Variants in SLC37A3 observed in about 807,000 individuals in gnomAD.
The protein encoded by SLC37A3 is solute carrier family 37 member 3.
A neutral mutation model predicts 67.1 loss-of-function variants in SLC37A3; 51 were observed. The observed-to-expected ratio is 0.76, with a 90% CI of 0.61 to 0.96. The LOEUF (loss-of-function observed/expected upper bound fraction) is 0.96. SLC37A3 is among the 40% of genes least tolerant of loss of function. The pLI is 0.00. For missense variants in SLC37A3, 508 were observed against 603.0 expected (o/e 0.84, Z 1.65); for synonymous variants, 214 against 231.4 (o/e 0.92, Z 0.68).
intron 1 of SLC37A3, among the ~76,000 whole-genome samples, chr7:140,397,366 G>T (rs993249537): frequency 1.3e-5 from 2 of 151,682 alleles, no homozygotes; most frequent in Non-Finnish European, 2.9e-5. Context: ...GCTAATCTTT[G>T]TATTTTTAGT....
chr7:140,389,485 G>A lies in SLC37A3; in HGVS notation c.-70-6889C>T, dbSNP rs569304472. Among the ~76,000 whole-genome samples, 120 of 152,056 alleles carry A rather than the reference G, an allele frequency of 7.9e-4. 4 individuals are homozygous for A. The South Asian group carries it at 0.02, about 26-fold the overall frequency. On this transcript the variant is annotated intron_variant, in intron 1 of 14. Coordinates refer to ENST00000326232, the MANE Select transcript of SLC37A3 (RefSeq NM_207113.3). ...CTCCCTACTTCCCAAGCCCCTACCCGCCAAATTATTTTTAAAAACTCTGAT... is the reference window on the plus strand; with the variant it reads ...CTCCCTACTTCCCAAGCCCCTACCCACCAAATTATTTTTAAAAACTCTGAT...
At chr7:140,364,307 T>C (rs1018512933) in intron 5 of SLC37A3, 101 bp downstream of exon 5, 1 of 1,081,670 alleles carries the variant, frequency 9.2e-7, no homozygotes, top group Non-Finnish European at 1.3e-6. Context: ...ATTCGAACAA[T>C]GAGGATTAAT....
At chr7:140,343,235 A>G (rs1047480977) in intron 13 of SLC37A3, among the ~76,000 whole-genome samples, 177 bp downstream of exon 13, 2 of 152,194 alleles carry the variant, frequency 1.3e-5, no homozygotes, top group Non-Finnish European at 2.9e-5. Flanking sequence ...AACAATGGAG[A>G]GTCCTTCTAC....
At position 140,350,670 on chromosome 7, in the gene SLC37A3, A is replaced by G. The variant is rs1473660678; in HGVS notation, c.882+603T>C. Among the ~76,000 whole-genome samples the G allele has an allele frequency of 3.9e-5, 6 of 152,276 alleles. No individual in the cohort carries two copies. The South Asian group carries it at 1.2e-3, about 32-fold the overall frequency. ...TCCCAGCTACTCGGGAGGCTGAGGCAGGAGAATCGCTTGAACCCGGGAGGC... is the reference window on the plus strand; with the variant it reads ...TCCCAGCTACTCGGGAGGCTGAGGCGGGAGAATCGCTTGAACCCGGGAGGC... On this transcript the variant is annotated intron_variant, in intron 9 of 14. Coordinates refer to ENST00000326232, the MANE Select transcript of SLC37A3 (RefSeq NM_207113.3).
intron 4 of SLC37A3, among the ~76,000 whole-genome samples, chr7:140,368,141 T>C (rs577885896): frequency 7.2e-4 from 110 of 151,870 alleles, no homozygotes; most frequent in Non-Finnish European, 1.1e-3. Context: ...CCACCCCCGC[T>C]ACCTGGCCCA....
chr7:140,389,987 G>A (rs1015929328), intron 1 of SLC37A3, among the ~76,000 whole-genome samples: 3 of 152,110 alleles, frequency 2.0e-5, no homozygotes, highest in Admixed American at 1.3e-4. Context: ...TACTGGGGAG[G>A]CTGAGGCAGG....
chr7:140,345,021 C>G (rs1796497957), intron 12 of SLC37A3, among the ~76,000 whole-genome samples, 195 bp downstream of exon 12: 1 of 152,090 alleles, frequency 6.6e-6, no homozygotes, highest in Non-Finnish European at 1.5e-5. Flanking sequence ...GCTTCTGTCA[C>G]AATAGGACTG....
chr7:140,367,621 T>C (rs1160610616), intron 4 of SLC37A3, among the ~76,000 whole-genome samples: 1 of 152,104 alleles, frequency 6.6e-6, no homozygotes, highest in Non-Finnish European at 1.5e-5. Context: ...GCATCTTATA[T>C]GCTGGGGAGA....
At chr7:140,386,656 G>T (rs951732063) in intron 1 of SLC37A3, 2 of 152,246 alleles carry the variant, frequency 1.3e-5, no homozygotes, top group East Asian at 3.9e-4. Context: ...CATTTTTCAA[G>T]TATGTGTAAA....
rs771532460 is a variant in SLC37A3 at position 140,364,400 on chromosome 7, C to T, written c.375+8G>A. The T allele has an allele frequency of 6.3e-5, 101 of 1,611,650 alleles. No homozygotes were observed. The highest frequency in any genetic ancestry group is 8.5e-5 in the Non-Finnish European group (100 of 1,178,944). ...CCAAAATAATAATAATAAGACCTTTCAACTTACCACTAATGCAGAAGAGCA... is the reference window on the plus strand; with the variant it reads ...CCAAAATAATAATAATAAGACCTTTTAACTTACCACTAATGCAGAAGAGCA... On this transcript the variant is annotated splice_region_variant and intron_variant, in intron 5 of 14. Coordinates refer to ENST00000326232, the MANE Select transcript of SLC37A3 (RefSeq NM_207113.3).
chr7:140,366,194 G>T (rs773877205), intron 4 of SLC37A3, among the ~76,000 whole-genome samples: 1 of 151,880 alleles, frequency 6.6e-6, no homozygotes, highest in Non-Finnish European at 1.5e-5. Context: ...GATTATAGGC[G>T]TCAGACACCA....
intron 9 of SLC37A3, among the ~76,000 whole-genome samples, chr7:140,350,406 AG>A (rs1485776742): frequency 6.6e-6 from 1 of 152,208 alleles, no homozygotes; most frequent in African/African-American, 2.4e-5. Flanking sequence ...CTGACTGCAC[AG>A]GCTGTGGAAA....
chr7:140,359,301 C>CCG (rs1209726892), intron 5 of SLC37A3, among the ~76,000 whole-genome samples: 1 of 151,474 alleles, frequency 6.6e-6, no homozygotes, highest in Non-Finnish European at 1.5e-5. Context: ...CAAGATCGTG[C>CCG]CACTGCACTC....
chr7:140,372,818 G>GT (rs1797875436), intron 3 of SLC37A3, among the ~76,000 whole-genome samples: 1 of 151,470 alleles, frequency 6.6e-6, no homozygotes, highest in Non-Finnish European at 1.5e-5. Context: ...AATCGAGATT[G>GT]TGCCACTGCA....
intron 1 of SLC37A3, among the ~76,000 whole-genome samples, chr7:140,394,356 G>A (rs67200370): frequency 0.29 from 44,434 of 151,304 alleles, 7,383 homozygotes; most frequent in South Asian, 0.5. Flanking sequence ...AGTGGCTCAC[G>A]CCTATAATCC....
chr7:140,380,249 C>T (rs1215741818), intron 3 of SLC37A3, 33 bp downstream of exon 3: 7 of 1,425,296 alleles, frequency 4.9e-6, no homozygotes, highest in Non-Finnish European at 6.9e-6. Context: ...CGGTCTCCTA[C>T]TTCGATCCAT....
intron 1 of SLC37A3, among the ~76,000 whole-genome samples, chr7:140,389,523 G>A (rs940460567): frequency 2.6e-5 from 4 of 152,098 alleles, no homozygotes; most frequent in African/African-American, 9.7e-5. Flanking sequence ...CCGACTGCTC[G>A]GGGAGACTGA....
At position 140,348,641 on chromosome 7, in the gene SLC37A3, C is replaced by T. The variant is rs777717801; in HGVS notation, c.1009G>A (p.Val337Ile). The change falls in exon 10 of 15, where the codon GTT (valine) becomes ATT (isoleucine). Residue 337 changes from valine (V) to isoleucine (I), a missense_variant. Transcript: ENST00000326232. ...EADKLSIWYDVGGIIGGTLQG... is the reference protein window; with the variant it reads ...EADKLSIWYDIGGIIGGTLQG... ...ACCGGCATACCTATGATCCCTCCAACGTCGTACCAAATGGACAGCTTGTCG... is the reference window on the plus strand; with the variant it reads ...ACCGGCATACCTATGATCCCTCCAATGTCGTACCAAATGGACAGCTTGTCG... 76 of 1,613,756 alleles carry T rather than the reference C, an allele frequency of 4.7e-5. No homozygotes were observed. In the South Asian group the frequency reaches 5.5e-4, roughly 12 times the overall value.
intron 4 of SLC37A3, among the ~76,000 whole-genome samples, chr7:140,368,062 C>T (rs1275702376): frequency 6.6e-6 from 1 of 151,926 alleles, no homozygotes; most frequent in Non-Finnish European, 1.5e-5. Context: ...TATCCACCTG[C>T]CTCGGTCTCC....
Sources: gnomAD v4.1 joint callset for allele counts (sites outside exome capture counted in the v4.1 genomes callset) on GRCh38, gnomAD v4.1.1 for gene constraint, MANE v1.5 for transcripts, NCBI Gene and HGNC (gene_info 2026-07-23, HGNC 2026-07-21) for gene names.